GABPB2: variants seen among roughly 807,000 people sequenced by gnomAD.
The protein encoded by GABPB2 is GA-binding protein subunit beta-2.
A neutral mutation model predicts 39.1 loss-of-function variants in GABPB2; 23 were observed. The ratio of observed to expected loss-of-function variants is 0.59; its 90% confidence interval spans 0.42 to 0.83. The LOEUF is 0.83. GABPB2 is among the 40% of genes least tolerant of loss of function. GABPB2 has a pLI of 0.00. For missense variants in GABPB2, 467 were observed against 541.1 expected (o/e 0.86, Z 1.36); for synonymous variants, 184 against 199.3 (o/e 0.92, Z 0.65).
At position 151,124,825 on chromosome 1, in the gene GABPB2, G is replaced by A. The variant is rs1163976152; in HGVS notation, c.*6569G>A. 3 of 151,960 alleles carry A rather than the reference G, an allele frequency of 2.0e-5. No homozygotes were observed. The highest frequency in any genetic ancestry group is 1.3e-4 in the Admixed American group (2 of 15,242). The allele number at this position is 151,960 out of a possible 1,614,324, so 9.4% of individuals were successfully genotyped here. A position where few individuals can be genotyped will look rare whatever the true frequency, so the allele number is the denominator to read the frequency against. ...TGCCAATTTTTTTTAAGTCTCTGAT[G>A]CTGCCCTTTTTAAATTTTTGTCTTA... is the stretch of plus-strand genomic sequence containing the variant. On this transcript the variant is annotated 3_prime_UTR_variant, in exon 9 of 9. Coordinates refer to ENST00000368918, the MANE Select transcript of GABPB2 (RefSeq NM_144618.3).
chr1:151,073,816 A>G (rs1676924225), intron 1 of GABPB2, among the ~76,000 whole-genome samples: 1 of 151,630 alleles, frequency 6.6e-6, no homozygotes, highest in African/African-American at 2.4e-5. Context: ...GCTACTTGGG[A>G]GGCTGAGGCA....
intron 7 of GABPB2, among the ~76,000 whole-genome samples, chr1:151,115,054 T>C (rs1237098605): frequency 6.6e-6 from 1 of 152,154 alleles, no homozygotes; most frequent in Non-Finnish European, 1.5e-5. Context: ...TTCTCTGGGA[T>C]AAATGCCCGA....
chr1:151,077,356 G>GTTTTTT (rs35650542), intron 1 of GABPB2, among the ~76,000 whole-genome samples: 3 of 110,646 alleles, frequency 2.7e-5, no homozygotes, highest in South Asian at 3.1e-4. Flanking sequence ...CAACTCATAG[G>GTTTTTT]TTTTTTTTTT....
intron 8 of GABPB2, 74 bp from the exon 9 acceptor site, chr1:151,117,883 C>T: frequency 7.0e-7 from 1 of 1,429,670 alleles, no homozygotes; most frequent in Non-Finnish European, 9.6e-7. Context: ...CGCTCCTGGC[C>T]TGTCTTTTTG....
Position 151,117,420 on chromosome 1 carries a change from A to G in GABPB2, c.951A>G (p.Ala317=). ...TAACTGTACCTGCTGGTAAGGTTGC[A>G]GAGGAGACTGTAATTAAAGAGGAAG... The part of the protein sequence containing the change: ...QVLTVPAGKV[A]EETVIKEEEE... Residue 317 remains alanine (A), a synonymous_variant, in exon 8 of 9, where the codon GCA becomes GCG. Coordinates refer to ENST00000368918, the MANE Select transcript of GABPB2 (RefSeq NM_144618.3). The G allele has an allele frequency of 1.2e-6, 2 of 1,613,906 alleles. No homozygotes were observed. The highest frequency in any genetic ancestry group is 1.7e-6 in the Non-Finnish European group (2 of 1,179,790).
chr1:151,075,014 C>T (rs1409912137), intron 1 of GABPB2, among the ~76,000 whole-genome samples: 2 of 152,012 alleles, frequency 1.3e-5, no homozygotes, highest in African/African-American at 2.4e-5. Context: ...TAGTGGCACA[C>T]GCCTGTAATT....
intron 1 of GABPB2, among the ~76,000 whole-genome samples, chr1:151,084,726 G>A (rs1388369080): frequency 6.7e-6 from 1 of 149,248 alleles, no homozygotes; most frequent in East Asian, 2.0e-4. Context: ...AGTAGAGATG[G>A]GATTTCACCA....
chr1:151,107,500 CTT>C (rs764912164), intron 7 of GABPB2, among the ~76,000 whole-genome samples: 1 of 143,126 alleles, frequency 7.0e-6, no homozygotes, highest in Admixed American at 7.0e-5. Context: ...ACTGATGGCT[CTT>C]TTTTTTTTTT....
rs933189813 is a variant in GABPB2 at position 151,124,934 on chromosome 1, T to C, written c.*6678T>C. On this transcript the variant is annotated 3_prime_UTR_variant, in exon 9 of 9. Coordinates refer to ENST00000368918, the MANE Select transcript of GABPB2 (RefSeq NM_144618.3). Reference sequence around the variant, plus strand: ...GTTTGGCATGTTAGTGACAGGAAATTGTGATTCCCTATCTCCCCCTCCTCC... The same window carrying C: ...GTTTGGCATGTTAGTGACAGGAAATCGTGATTCCCTATCTCCCCCTCCTCC... 2.0e-5 allele frequency: 3 copies of C among 152,112 alleles called. No homozygotes were observed. The highest frequency in any genetic ancestry group is 4.4e-5 in the Non-Finnish European group (3 of 68,034). 9.4% of individuals were successfully genotyped at this position (152,112 alleles called of 1,614,324 possible).
chr1:151,074,334 G>A (rs1280295057), intron 1 of GABPB2, among the ~76,000 whole-genome samples: 13 of 113,894 alleles, frequency 1.1e-4, no homozygotes, highest in Admixed American at 1.9e-4. Context: ...TTTTCCAGAC[G>A]GAGTCTCGCT....
chr1:151,078,921 C>G (rs1223330023), intron 1 of GABPB2, among the ~76,000 whole-genome samples: 1 of 151,996 alleles, frequency 6.6e-6, no homozygotes, highest in Non-Finnish European at 1.5e-5. Context: ...ACCCGCCTGC[C>G]TCTGCCTCCC....
At chr1:151,072,020 A>G (rs973010029) in intron 1 of GABPB2, among the ~76,000 whole-genome samples, 2 of 152,234 alleles carry the variant, frequency 1.3e-5, no homozygotes, top group African/African-American at 4.8e-5. Context: ...TCAACGATGT[A>G]ACAAAATTTT....
chr1:151,116,353 A>G (rs1680860083), intron 7 of GABPB2, among the ~76,000 whole-genome samples: 1 of 149,974 alleles, frequency 6.7e-6, no homozygotes, highest in South Asian at 2.1e-4. Context: ...CACTCCAGAG[A>G]TCACGCCATT....
chr1:151,121,630 G>A lies in GABPB2; in HGVS notation c.*3374G>A, dbSNP rs899271325. 1 of 152,054 alleles carries A rather than the reference G, an allele frequency of 6.6e-6. No homozygotes were observed. The highest frequency in any genetic ancestry group is 1.5e-5 in the Non-Finnish European group (1 of 68,068). 9.4% of individuals were successfully genotyped at this position (152,054 alleles called of 1,614,324 possible). A position where few individuals can be genotyped will look rare whatever the true frequency, so the allele number is the denominator to read the frequency against. ...ATTTTGTATTTTTAGTAGAGATGGG[G>A]TTTCTCCATGTTAGTCGGGCTGGTC... On this transcript the variant is annotated 3_prime_UTR_variant, in exon 9 of 9. Transcript: ENST00000368918.
intron 1 of GABPB2, among the ~76,000 whole-genome samples, chr1:151,071,561 C>T (rs4970936): frequency 0.7 from 106,371 of 151,346 alleles, 38,601 homozygotes; most frequent in East Asian, 0.89. Context: ...CCTCCGCTTC[C>T]CGGGTTCAAG....
chr1:151,124,008 CA>C lies in GABPB2; in HGVS notation c.*5757del, dbSNP rs1329046661. ...TGAAACTCAGTCTCTACTAAAAATACAAAAATTAGCCGGGGGTGGTGGCGCA... is the reference window on the plus strand; with the variant it reads ...TGAAACTCAGTCTCTACTAAAAATACAAAATTAGCCGGGGGTGGTGGCGCA... On this transcript the variant is annotated 3_prime_UTR_variant, in exon 9 of 9. Transcript: ENST00000368918. 1 of 49,204 alleles carries C rather than the reference CA, an allele frequency of 2.0e-5. No individual in the cohort carries two copies. Among genetic ancestry groups the C allele is most frequent in the Non-Finnish European group, 3.8e-5 (1 of 26,422 alleles). The allele number at this position is 49,204 out of a possible 1,614,324, so 3.0% of individuals were successfully genotyped here.
rs768472867 is a variant in GABPB2 at position 151,117,935 on chromosome 1, G to A, written c.1048-22G>A. 6 of 1,598,668 alleles carry A rather than the reference G, an allele frequency of 3.8e-6. No individual in the cohort carries two copies. In the Admixed American group the frequency reaches 6.9e-5, roughly 18 times the overall value. On this transcript the variant is annotated intron_variant, in intron 8 of 8. Transcript: ENST00000368918. ...TTTATGATCAGGAATTTACCTGGTG[G>A]TGACATGGCTTACTTTTACAGGAAG...
intron 5 of GABPB2, among the ~76,000 whole-genome samples, chr1:151,098,850 G>A (rs1023641361): frequency 2.4e-4 from 37 of 152,196 alleles, no homozygotes; most frequent in African/African-American, 7.7e-4. Flanking sequence ...TTGGGAGGCC[G>A]AAGTGGGTGG....
At chr1:151,089,366 C>T (rs1678476569) in intron 2 of GABPB2, among the ~76,000 whole-genome samples, 1 of 152,258 alleles carries the variant, frequency 6.6e-6, no homozygotes, top group Admixed American at 6.5e-5. Flanking sequence ...AAAGAATAAA[C>T]TAAACAGGCT....
Sources: allele counts gnomAD v4.1 joint callset (sites outside exome capture counted in the v4.1 genomes callset), GRCh38; gene constraint gnomAD v4.1.1; transcripts MANE v1.5; gene names NCBI Gene and HGNC (gene_info 2026-07-23, HGNC 2026-07-21).